Variants in CHFR observed in about 807,000 individuals in gnomAD.
The protein encoded by CHFR is E3 ubiquitin-protein ligase CHFR.
In CHFR, 57 loss-of-function variants were observed where a neutral mutation model predicts 87.6. The ratio of observed to expected loss-of-function variants is 0.65; its 90% CI spans 0.53 to 0.81. The LOEUF is 0.81. Among genes scored for constraint, CHFR ranks in the 30% least tolerant of loss-of-function variants. The pLI is 0.00. For synonymous variants in CHFR, 381 were observed against 359.2 expected (o/e 1.06, Z -0.69); for missense variants, 797 against 865.8 (o/e 0.92, Z 1.00).
chr12:132,857,524 C>A lies in CHFR; in HGVS notation c.947G>T (p.Cys316Phe). 1 of 1,614,160 alleles carries A rather than the reference C, an allele frequency of 6.2e-7. No homozygotes were observed. The highest frequency in any genetic ancestry group is 8.5e-7 in the Non-Finnish European group (1 of 1,180,014). ...CGAGCGCTCCATCCAGCCCGAGTAG[C>A]AAGCCGCGCAGAACGTGTGCATGCA... ...QPCMHTFCAA[C>F]YSGWMERSSL... The change falls in exon 9 of 18, where the codon TGC becomes TTC. Residue 316 changes from cysteine to phenylalanine, a missense_variant. By Grantham distance (205) the Cys-to-Phe change is radical. Coordinates refer to ENST00000450056, the MANE Select transcript of CHFR (RefSeq NM_001161346.2).
At chr12:132,886,205 C>A (rs191998331) in intron 2 of CHFR, among the ~76,000 whole-genome samples, 32 of 151,998 alleles carry the variant, frequency 2.1e-4, no homozygotes, top group Non-Finnish European at 4.3e-4. Flanking sequence ...CCAGCTACTC[C>A]GAGGCTGAGG....
At chr12:132,873,365 C>T (rs1207484214) in intron 3 of CHFR, among the ~76,000 whole-genome samples, 1 of 152,230 alleles carries the variant, frequency 6.6e-6, no homozygotes, top group African/African-American at 2.4e-5. Flanking sequence ...CCCGTAAAAC[C>T]TCCGAAACCA....
intron 15 of CHFR, among the ~76,000 whole-genome samples, chr12:132,845,244 A>T (rs924519815): frequency 1.7e-4 from 26 of 151,926 alleles, no homozygotes; most frequent in Non-Finnish European, 2.9e-4. Context: ...TCACAAGGTC[A>T]GGAGTTCGAG....
Position 132,857,512 on chromosome 12 carries a change from C to T in CHFR, c.959G>A (p.Trp320Ter). ...AGGACACAGGGACGAGCGCTCCATC[C>T]AGCCCGAGTAGCAAGCCGCGCAGAA... ...HTFCAACYSGWMERSSLCPTC... is the reference protein window; with the variant it reads ...HTFCAACYSG The change falls in exon 9 of 18, where the codon TGG (tryptophan) becomes TAG (stop). Residue 320 changes from tryptophan to a stop codon, truncating the protein, a stop_gained. Transcript: ENST00000450056. LOFTEE classifies it high-confidence loss of function. 5.0e-6 allele frequency: 8 copies of T among 1,614,198 alleles called. No individual in the cohort carries two copies. The highest frequency in any genetic ancestry group is 6.8e-6 in the Non-Finnish European group (8 of 1,180,030).
At chr12:132,875,572 G>A (rs1359042773) in intron 3 of CHFR, among the ~76,000 whole-genome samples, 4 of 152,096 alleles carry the variant, frequency 2.6e-5, no homozygotes, top group Non-Finnish European at 4.4e-5. Flanking sequence ...GCAGTGAGCC[G>A]AGATCGCACC....
At chr12:132,855,828 G>A (rs1951054803) in intron 10 of CHFR, among the ~76,000 whole-genome samples, 2 of 151,622 alleles carry the variant, frequency 1.3e-5, no homozygotes, top group Non-Finnish European at 2.9e-5. Flanking sequence ...CTTGGCAAAA[G>A]GAAATAAAGA....
At chr12:132,883,407 T>C (rs7133593) in intron 2 of CHFR, among the ~76,000 whole-genome samples, 141,375 of 145,626 alleles carry the variant, frequency 0.97, 68,712 homozygotes, top group East Asian at 1. Context: ...GCCTGAGAAA[T>C]AGGAGTGAAA....
rs1950688694 is a variant in CHFR, at chr12:132,840,550, C to CA, written c.*1003dup. 6.6e-6 allele frequency: 1 copy of CA among 152,384 alleles called. No individual in the cohort carries two copies. The allele number at this position is 152,384 out of a possible 1,614,324, so 9.4% of individuals were successfully genotyped here. ...ACAAAAGATAAAAAACTTTTTTTTC[C>CA]AAAAATCAAAATTTCAAGTATTATT... On this transcript the variant is annotated 3_prime_UTR_variant, in exon 18 of 18. Transcript: ENST00000450056.
In CHFR at chr12:132,838,132, A is replaced by T. The variant is rs765603147; in HGVS notation, c.*3422T>A. 6.6e-6 allele frequency: 1 copy of T among 152,396 alleles called. No individual in the cohort carries two copies. Among genetic ancestry groups the T allele is most frequent in the Non-Finnish European group, 1.5e-5 (1 of 68,226 alleles). The allele number at this position is 152,396 out of a possible 1,614,324, so 9.4% of individuals were successfully genotyped here. A position where few individuals can be genotyped will look rare whatever the true frequency, so the allele number is the denominator to read the frequency against. On this transcript the variant is annotated 3_prime_UTR_variant, in exon 18 of 18. Coordinates refer to ENST00000450056, the MANE Select transcript of CHFR (RefSeq NM_001161346.2). ...GCTGGCGGAAGCCCCTTCCAAACTC[A>T]GCTGCCTCTCTGCCTTGGCCACACC...
Position 132,870,736 on chromosome 12 carries a change from G to T in CHFR, c.391C>A (p.Gln131Lys). The T allele has an allele frequency of 6.2e-7, 1 of 1,608,220 alleles. No individual in the cohort carries two copies. The change falls in exon 5 of 18, where the codon CAA becomes AAA. Residue 131 changes from glutamine (Q) to lysine (K), a missense_variant. By Grantham distance (53) the Gln-to-Lys change is moderately conservative. Coordinates refer to ENST00000450056, the MANE Select transcript of CHFR (RefSeq NM_001161346.2). ...CACTCTTACTTACCAAAGGATTCTTGTGTCATGCCTTGCTTTTCACTTAAA... is the reference window on the plus strand; with the variant it reads ...CACTCTTACTTACCAAAGGATTCTTTTGTCATGCCTTGCTTTTCACTTAAA... ...ESLSEKQGMTQESFDTSGAGA... is the reference protein window; with the variant it reads ...ESLSEKQGMTKESFDTSGAGA...
intron 15 of CHFR, among the ~76,000 whole-genome samples, 176 bp downstream of exon 15, chr12:132,846,867 C>A (rs1051578294): frequency 2.6e-5 from 4 of 152,098 alleles, no homozygotes; most frequent in African/African-American, 7.2e-5. Flanking sequence ...GCAACAAGAG[C>A]GAGACTCCAT....
intron 14 of CHFR, chr12:132,847,547 C>T: frequency 9.3e-7 from 1 of 1,073,664 alleles, no homozygotes; most frequent in African/African-American, 1.7e-5. Flanking sequence ...GGCATCAAAG[C>T]AGAGTGTGGG....
At position 132,865,441 on chromosome 12, in the gene CHFR, G is replaced by A. The variant is rs1446878019; in HGVS notation, c.584-3807C>T. 4.6e-5 allele frequency among the ~76,000 whole-genome samples: 7 copies of A among 151,518 alleles called. No individual in the cohort carries two copies. The East Asian group carries it at 7.7e-4, about 17-fold the overall frequency. ...GCGGTATCGGCTCACTGCAACCTCC[G>A]CCTCCCAGCCTCAGGTGATCCTCCT... On this transcript the variant is annotated intron_variant, in intron 6 of 17. Transcript: ENST00000450056.
chr12:132,885,510 AAACT>A (rs1230177021), intron 2 of CHFR, among the ~76,000 whole-genome samples: 1 of 152,186 alleles, frequency 6.6e-6, no homozygotes, highest in Non-Finnish European at 1.5e-5. Flanking sequence ...TAGTATGAAC[AAACT>A]AATACAATAA....
At chr12:132,858,725 T>TAAA (rs60137048) in intron 8 of CHFR, among the ~76,000 whole-genome samples, 20 of 26,800 alleles carry the variant, frequency 7.5e-4, no homozygotes, top group Non-Finnish European at 6.2e-4. Context: ...AGACTCCATC[T>TAAA]AAAAAAAAAA....
intron 8 of CHFR, among the ~76,000 whole-genome samples, chr12:132,857,991 A>G (rs930485642): frequency 6.6e-6 from 1 of 152,156 alleles, no homozygotes; most frequent in African/African-American, 2.4e-5. Flanking sequence ...CGACCCACAC[A>G]CTCAAAACTT....
In CHFR at chr12:132,847,066, T is replaced by C. The variant is rs1313082363; in HGVS notation, c.1712A>G (p.Gln571Arg). The C allele has an allele frequency of 1.2e-6, 2 of 1,613,178 alleles. No homozygotes were observed. Among genetic ancestry groups the C allele is most frequent in the African/African-American group, 1.3e-5 (1 of 75,028 alleles). The change falls in exon 15 of 18, where the codon CAG (glutamine) becomes CGG (arginine). Residue 571 changes from glutamine (Q) to arginine (R), a missense_variant. Physicochemically the swap from Gln to Arg is conservative, Grantham distance 43. Transcript: ENST00000450056. ...NMLTESLVAL[Q>R]RGVFLLSDYR... ...ACCAGACAGCAGAAACACTCCCCGC[T>C]GGAGAGCCACGAGGCTCTCGGTCAA...
chr12:132,885,610 CCTT>C (rs1951871669), intron 2 of CHFR, among the ~76,000 whole-genome samples: 1 of 152,104 alleles, frequency 6.6e-6, no homozygotes, highest in African/African-American at 2.4e-5. Flanking sequence ...TATTTTCTCT[CCTT>C]GTCTTAACAT....
chr12:132,876,235 A>G (rs1180348345), intron 3 of CHFR, among the ~76,000 whole-genome samples: 1 of 152,208 alleles, frequency 6.6e-6, no homozygotes, highest in Non-Finnish European at 1.5e-5. Context: ...GTGTGATTGC[A>G]TTTATGCAAA....
Sources: allele counts gnomAD v4.1 joint callset (sites outside exome capture counted in the v4.1 genomes callset), GRCh38; gene constraint gnomAD v4.1.1; transcripts MANE v1.5; gene names NCBI Gene and HGNC (gene_info 2026-07-23, HGNC 2026-07-21).